Variants in ENAH observed in about 807,000 individuals in gnomAD.
ENAH encodes the protein protein enabled homolog.
Under a neutral mutation model 78.7 loss-of-function variants are expected in ENAH, and 23 were observed. That is an observed-to-expected ratio of 0.29 (90% CI 0.21 to 0.41). ENAH has a LOEUF of 0.41. ENAH is among the 10% of genes least tolerant of loss of function. ENAH has a pLI of 1.00. For missense variants in ENAH, 544 were observed against 691.0 expected (o/e 0.79, Z 2.39); for synonymous variants, 226 against 241.0 (o/e 0.94, Z 0.58).
intron 4 of ENAH, among the ~76,000 whole-genome samples, chr1:225,525,380 A>G (rs1425444307): frequency 6.6e-6 from 1 of 152,196 alleles, no homozygotes; most frequent in East Asian, 1.9e-4. Context: ...AAAAAGTAGT[A>G]CTTTTAAAAA....
intron 1 of ENAH, among the ~76,000 whole-genome samples, chr1:225,590,017 C>A (rs1429490697): frequency 6.7e-6 from 1 of 148,582 alleles, no homozygotes; most frequent in African/African-American, 2.5e-5. Context: ...GGTTGAGAAA[C>A]AACATATAAA....
intron 1 of ENAH, among the ~76,000 whole-genome samples, chr1:225,602,578 T>C (rs1179505033): frequency 6.6e-6 from 1 of 152,118 alleles, no homozygotes; most frequent in East Asian, 1.9e-4. Context: ...TTTTAATCTA[T>C]GCAAACCTGG....
chr1:225,607,201 T>A (rs2096960647), intron 1 of ENAH, among the ~76,000 whole-genome samples: 1 of 151,940 alleles, frequency 6.6e-6, no homozygotes, highest in Non-Finnish European at 1.5e-5. Context: ...ACACGTAAAA[T>A]ACACTAACAA....
chr1:225,517,382 C>T, intron 5 of ENAH, 76 bp from the exon 6 acceptor site: 1 of 1,551,680 alleles, frequency 6.4e-7, no homozygotes. Context: ...GGAGGAGAAG[C>T]TTGAGATCCA....
intron 3 of ENAH, among the ~76,000 whole-genome samples, chr1:225,554,514 A>G (rs1371267965): frequency 2.0e-5 from 3 of 152,190 alleles, no homozygotes; most frequent in Non-Finnish European, 4.4e-5. Flanking sequence ...AATGTCTTTC[A>G]GAAAACATGT....
chr1:225,643,008 C>A (rs1386642183), intron 1 of ENAH, among the ~76,000 whole-genome samples: 1 of 152,138 alleles, frequency 6.6e-6, no homozygotes, highest in Non-Finnish European at 1.5e-5. Flanking sequence ...TAACGTGTAT[C>A]AAAAACTGAT....
intron 3 of ENAH, among the ~76,000 whole-genome samples, chr1:225,547,524 C>T (rs1390129421): frequency 6.6e-6 from 1 of 152,146 alleles, no homozygotes; most frequent in Non-Finnish European, 1.5e-5. Context: ...TTTCTGCCTC[C>T]ACTCAGGAAC....
chr1:225,640,557 T>C (rs567668930), intron 1 of ENAH, among the ~76,000 whole-genome samples: 2 of 152,324 alleles, frequency 1.3e-5, no homozygotes, highest in Admixed American at 6.5e-5. Context: ...CAAACAGTTA[T>C]GTATGAGAGC....
At chr1:225,579,608 G>A (rs948642983) in intron 1 of ENAH, among the ~76,000 whole-genome samples, 6 of 152,110 alleles carry the variant, frequency 3.9e-5, no homozygotes, top group African/African-American at 1.4e-4. Context: ...ACACAGACAT[G>A]CACACAGAAA....
chr1:225,530,912 CA>C (rs986399848), intron 3 of ENAH: 18 of 418,530 alleles, frequency 4.3e-5, no homozygotes, highest in Admixed American at 1.2e-4. Context: ...TTGAGTAAAA[CA>C]AGTGTTCGAT....
rs115625971 is a variant in ENAH, at chr1:225,586,335, A to G, written c.6-18921T>C. 5.1e-3 allele frequency among the ~76,000 whole-genome samples: 768 copies of G among 151,938 alleles called. 9 individuals are homozygous for G. The highest frequency in any genetic ancestry group is 0.017 in the African/African-American group (721 of 41,484). Reference sequence around the variant, plus strand: ...AGGAAAAGGGAAAAGTAGAGGGAAAAGGAAGAAAGAAATTGATATATGAAG... The same window carrying G: ...AGGAAAAGGGAAAAGTAGAGGGAAAGGGAAGAAAGAAATTGATATATGAAG... On this transcript the variant is annotated intron_variant, in intron 1 of 13. Transcript: ENST00000366843.
Position 225,652,778 on chromosome 1 carries a change from A to G in ENAH, c.-88T>C. 6 of 1,131,552 alleles carry G rather than the reference A, an allele frequency of 5.3e-6. No homozygotes were observed. The highest frequency in any genetic ancestry group is 6.8e-6 in the Non-Finnish European group (6 of 881,322). The allele number at this position is 1,131,552 out of a possible 1,614,324, so 70.1% of individuals were successfully genotyped here. A position where few individuals can be genotyped will look rare whatever the true frequency, so the allele number is the denominator to read the frequency against. ...GGGGGTCTCTCCTCCAGGGGTGGGGAGCAGCTCGGAGACGGGAGACAAGTG... is the reference window on the plus strand; with the variant it reads ...GGGGGTCTCTCCTCCAGGGGTGGGGGGCAGCTCGGAGACGGGAGACAAGTG... On this transcript the variant is annotated 5_prime_UTR_variant, in exon 1 of 14. Transcript: ENST00000366843.
At chr1:225,623,320 G>A (rs950558178) in intron 1 of ENAH, among the ~76,000 whole-genome samples, 1 of 151,960 alleles carries the variant, frequency 6.6e-6, no homozygotes, top group Non-Finnish European at 1.5e-5. Flanking sequence ...TAGATTACAG[G>A]CTATCTCATT....
At chr1:225,546,659 A>G (rs3947140) in intron 3 of ENAH, among the ~76,000 whole-genome samples, 6,547 of 152,300 alleles carry the variant, frequency 0.043, 229 homozygotes, top group South Asian at 0.11. Flanking sequence ...GCTTTGAGGT[A>G]TAACAGGTAG....
intron 1 of ENAH, among the ~76,000 whole-genome samples, chr1:225,612,798 A>G (rs965314578): frequency 2.0e-5 from 3 of 151,254 alleles, no homozygotes; most frequent in Non-Finnish European, 4.4e-5. Flanking sequence ...GAAGCAAAAA[A>G]GTTTTATATC....
At chr1:225,526,892 G>A (rs919608850) in intron 4 of ENAH, among the ~76,000 whole-genome samples, 1 of 152,042 alleles carries the variant, frequency 6.6e-6, no homozygotes, top group Admixed American at 6.5e-5. Context: ...AAGGTTTGAT[G>A]ATCCTTGGCT....
In ENAH at chr1:225,606,173, A is replaced by G. The variant is rs185572938; in HGVS notation, c.6-38759T>C. Among the ~76,000 whole-genome samples, 705 of 152,242 alleles carry G rather than the reference A, an allele frequency of 4.6e-3. 7 individuals carry two copies. The highest frequency in any genetic ancestry group is 0.016 in the African/African-American group (650 of 41,538). ...CTGAATGTGACCTATTAGAATTACC[A>G]TATTTTGGCCAGGTGCAGTGGCTCA... is the stretch of plus-strand genomic sequence containing the variant. On this transcript the variant is annotated intron_variant, in intron 1 of 13. Coordinates refer to ENST00000366843, the MANE Select transcript of ENAH (RefSeq NM_018212.6).
intron 1 of ENAH, among the ~76,000 whole-genome samples, chr1:225,570,420 T>C: frequency 6.6e-6 from 1 of 151,712 alleles, no homozygotes; most frequent in Admixed American, 6.6e-5. Flanking sequence ...CAGTATTTTT[T>C]CCAGTGTTAC....
At chr1:225,573,141 A>G (rs2096771850) in intron 1 of ENAH, among the ~76,000 whole-genome samples, 1 of 152,200 alleles carries the variant, frequency 6.6e-6, no homozygotes, top group Non-Finnish European at 1.5e-5. Flanking sequence ...AGTCTTGTAT[A>G]TACTATTTAT....
Sources: allele counts gnomAD v4.1 joint callset (sites outside exome capture counted in the v4.1 genomes callset), GRCh38; gene constraint gnomAD v4.1.1; transcripts MANE v1.5; gene names NCBI Gene and HGNC (gene_info 2026-07-23, HGNC 2026-07-21).